SLA2: variants seen among roughly 807,000 people sequenced by gnomAD.
SLA2 encodes Src like adaptor 2, also known as src-like-adapter 2.
In SLA2, 22 loss-of-function variants were observed where a neutral mutation model predicts 27.3. That is an observed-to-expected ratio of 0.81 (90% CI 0.58 to 1.15). SLA2 has a LOEUF of 1.15. SLA2 is among the 50% of genes most tolerant of loss of function. The probability of loss-of-function intolerance (pLI) is 0.00; values close to 1 mark genes in which losing one functional copy is unlikely to be tolerated. For missense variants in SLA2, 304 were observed against 322.2 expected, an observed-to-expected ratio of 0.94 and a Z score of 0.43; for synonymous variants, 131 against 137.8, an observed-to-expected ratio of 0.95 and a Z score of 0.34.
intron 2 of SLA2, among the ~76,000 whole-genome samples, chr20:36,637,579 A>G (rs528444037): frequency 1.1e-4 from 15 of 142,422 alleles, no homozygotes; most frequent in Non-Finnish European, 1.8e-4. Context: ...TTGCAGGCAC[A>G]TTGATGTTAT....
At chr20:36,622,827 T>C (rs1244853046) in intron 5 of SLA2, among the ~76,000 whole-genome samples, 1 of 152,164 alleles carries the variant, frequency 6.6e-6, no homozygotes, top group Non-Finnish European at 1.5e-5. Context: ...TCTTCCCACC[T>C]CAAAATCCTT....
intron 5 of SLA2, among the ~76,000 whole-genome samples, chr20:36,629,051 C>T (rs2039366988): frequency 2.0e-5 from 3 of 151,086 alleles, no homozygotes; most frequent in Admixed American, 6.6e-5. Flanking sequence ...ACCTTAGTCC[C>T]GGTAATTATG....
rs893920624 is a variant in SLA2 at position 36,613,219 on chromosome 20, CAAA to C, written c.*644_*646del. ...TGGGCAACAGGGCAAGACTCCGTCT[CAAA>C]AAAAAGAAAAAGAGCTGGGGCTGTT... On this transcript the variant is annotated 3_prime_UTR_variant, in exon 8 of 8. Transcript: ENST00000262866. The C allele has an allele frequency of 6.6e-6, 1 of 151,764 alleles. No homozygotes were observed. Among genetic ancestry groups the C allele is most frequent in the African/African-American group, 2.4e-5 (1 of 41,302 alleles). The allele number at this position is 151,764 out of a possible 1,614,324, so 9.4% of individuals were successfully genotyped here.
At position 36,615,331 on chromosome 20, in the gene SLA2, C is replaced by T. The variant is rs2039196405; in HGVS notation, c.426G>A (p.Trp142Ter). 1 of 1,613,942 alleles carries T rather than the reference C, an allele frequency of 6.2e-7. No homozygotes were observed. The highest frequency in any genetic ancestry group is 1.7e-5 in the Admixed American group (1 of 59,970). Residue 142 changes from tryptophan to a stop codon, truncating the protein, a stop_gained, in exon 6 of 8, where the codon TGG (tryptophan) becomes TGA (stop). Coordinates refer to ENST00000262866, the MANE Select transcript of SLA2 (RefSeq NM_032214.4). LOFTEE classifies it high-confidence loss of function. ...GGATCCTGTAGTGTCTGATCCGGTCCCAGGATGCAGGGCGGCTGAGGCGGA... is the reference window on the plus strand; with the variant it reads ...GGATCCTGTAGTGTCTGATCCGGTCTCAGGATGCAGGGCGGCTGAGGCGGA... ...LSVRLSRPASWDRIRHYRIHC... is the reference protein window; with the variant it reads ...LSVRLSRPAS
intron 5 of SLA2, among the ~76,000 whole-genome samples, chr20:36,624,411 C>G (rs185115386): frequency 3.9e-5 from 6 of 152,234 alleles, no homozygotes; most frequent in Admixed American, 2.0e-4. Flanking sequence ...ACTCTGTGTC[C>G]TCTGAACGCT....
intron 2 of SLA2, among the ~76,000 whole-genome samples, chr20:36,640,303 A>AT (rs1045310758): frequency 3.3e-5 from 5 of 152,024 alleles, no homozygotes; most frequent in African/African-American, 1.2e-4. Context: ...TGTATTAAAA[A>AT]ATATATATAT....
At position 36,623,363 on chromosome 20, in the gene SLA2, C is replaced by G. The variant is rs975808470; in HGVS notation, c.383-7989G>C. ...TGGGAACAAAGCAATAATGTTCTTACCGCTTCTACTCAGTGTTGTACTAAA... is the reference window on the plus strand; with the variant it reads ...TGGGAACAAAGCAATAATGTTCTTAGCGCTTCTACTCAGTGTTGTACTAAA... On this transcript the variant is annotated intron_variant, in intron 5 of 7. Coordinates refer to ENST00000262866, the MANE Select transcript of SLA2 (RefSeq NM_032214.4). Among the ~76,000 whole-genome samples the G allele has an allele frequency of 2.6e-5, 4 of 151,378 alleles. 1 individual carries two copies. Among genetic ancestry groups the G allele is most frequent in the Admixed American group, 2.0e-4 (3 of 15,190 alleles).
Position 36,645,180 on chromosome 20 carries a change from CCCACCA to C in SLA2, c.-44+651_-44+656del, listed in dbSNP as rs557884411. Among the ~76,000 whole-genome samples, 806 of 147,178 alleles carry C rather than the reference CCCACCA, an allele frequency of 5.5e-3. 5 individuals carry two copies. The highest frequency in any genetic ancestry group is 8.1e-3 in the Non-Finnish European group (543 of 66,852). ...CATAGTGAGAACCCCCACCCCCACC[CCCACCA>C]CCGCCTGCCATCTCTACAAAAATAT... On this transcript the variant is annotated intron_variant, in intron 1 of 7. Transcript: ENST00000262866.
intron 1 of SLA2, among the ~76,000 whole-genome samples, chr20:36,645,191 C>T (rs1555793799): frequency 2.0e-5 from 3 of 147,462 alleles, no homozygotes; most frequent in Non-Finnish European, 1.5e-5. Context: ...CCACCACCGC[C>T]TGCCATCTCT....
At chr20:36,626,099 T>A (rs539941173) in intron 5 of SLA2, among the ~76,000 whole-genome samples, 11 of 149,364 alleles carry the variant, frequency 7.4e-5, no homozygotes, top group African/African-American at 2.5e-4. Flanking sequence ...ACCCTGACTT[T>A]AAAAAAAAAT....
intron 5 of SLA2, 60 bp from the exon 6 acceptor site, chr20:36,615,434 G>T (rs2039198498): frequency 6.2e-7 from 1 of 1,603,174 alleles, no homozygotes; most frequent in South Asian, 1.1e-5. Flanking sequence ...GCCCCACCTA[G>T]GCTGGGAAAC....
chr20:36,644,868 G>GTTTTT (rs3066378), intron 1 of SLA2, among the ~76,000 whole-genome samples: 1 of 80,674 alleles, frequency 1.2e-5, no homozygotes. Flanking sequence ...AGAATATTGT[G>GTTTTT]TTTTTTTTTT....
At chr20:36,644,835 C>T (rs186643510) in intron 1 of SLA2, among the ~76,000 whole-genome samples, 11 of 149,120 alleles carry the variant, frequency 7.4e-5, no homozygotes, top group Non-Finnish European at 1.3e-4. Context: ...TAGTCAACGG[C>T]AGCCGAGATG....
chr20:36,622,110 A>T (rs927437714), intron 5 of SLA2, among the ~76,000 whole-genome samples: 1 of 151,862 alleles, frequency 6.6e-6, no homozygotes, highest in African/African-American at 2.4e-5. Flanking sequence ...ACCTGAGGCC[A>T]GGAGTTCAAG....
chr20:36,615,445 G>T (rs528226089), intron 5 of SLA2, 71 bp from the exon 6 acceptor site: 2 of 1,593,562 alleles, frequency 1.3e-6, no homozygotes, highest in Non-Finnish European at 1.7e-6. Flanking sequence ...GCTGGGAAAC[G>T]AAGATAGGCA....
intron 5 of SLA2, among the ~76,000 whole-genome samples, chr20:36,624,287 G>A (rs2039314465): frequency 6.6e-6 from 1 of 152,046 alleles, no homozygotes; most frequent in African/African-American, 2.4e-5. Flanking sequence ...TCCTCTCCCT[G>A]GAAAGGCTCT....
intron 5 of SLA2, among the ~76,000 whole-genome samples, chr20:36,626,810 A>T (rs2039343466): frequency 6.7e-6 from 1 of 149,804 alleles, no homozygotes; most frequent in African/African-American, 2.4e-5. Context: ...CGCCAACTGC[A>T]TTCCAGCCTG....
intron 5 of SLA2, among the ~76,000 whole-genome samples, chr20:36,630,567 T>C (rs1421563819): frequency 6.6e-6 from 1 of 152,212 alleles, no homozygotes; most frequent in Non-Finnish European, 1.5e-5. Context: ...GAATCCTGGC[T>C]CTGCACTTAC....
At chr20:36,615,472 C>T in intron 5 of SLA2, 98 bp from the exon 6 acceptor site, 1 of 1,418,068 alleles carries the variant, frequency 7.1e-7, no homozygotes, top group Non-Finnish European at 9.7e-7. Context: ...CCATGGGGCC[C>T]CGGCAGAAGG....
Sources: allele counts gnomAD v4.1 joint callset (sites outside exome capture counted in the v4.1 genomes callset), GRCh38; gene constraint gnomAD v4.1.1; transcripts MANE v1.5; gene names NCBI Gene and HGNC (gene_info 2026-07-23, HGNC 2026-07-21).